The following PARVA variants were observed in gnomAD, a reference collection of about 807,000 sequenced individuals.
PARVA encodes the protein parvin alpha.
In PARVA, 25 loss-of-function variants were observed where a neutral mutation model predicts 52.6. That is an observed-to-expected ratio of 0.48 (90% CI 0.35 to 0.66). PARVA has a LOEUF of 0.66. Among genes scored for constraint, PARVA ranks in the 30% least tolerant of loss-of-function variants. The probability of loss-of-function intolerance (pLI) is 0.01; values close to 1 mark genes in which losing one functional copy is unlikely to be tolerated. For missense variants in PARVA, 373 were observed against 450.9 expected (o/e 0.83, Z 1.56); for synonymous variants, 185 against 179.1 (o/e 1.03, Z -0.26).
At chr11:12,377,296 T>C, upstream of PARVA, 1 of 631,048 alleles carries the variant, frequency 1.6e-6, no homozygotes, top group Non-Finnish European at 2.4e-6. Flanking sequence ...GGCTGTGTGG[T>C]GGGGACAGAG....
chr11:12,480,184 G>T (rs4539311), intron 4 of PARVA: 1 of 146,828 alleles, frequency 6.8e-6, no homozygotes, highest in African/African-American at 2.6e-5. Flanking sequence ...AGATCACGCC[G>T]TTGCACTCTA....
chr11:12,520,906 CA>C (rs1444924105), intron 12 of PARVA, among the ~76,000 whole-genome samples: 9 of 152,152 alleles, frequency 5.9e-5, no homozygotes, highest in Non-Finnish European at 1.2e-4. Flanking sequence ...CACTGCACTC[CA>C]GCCTGGGCAA....
chr11:12,423,299 C>T (rs956649588), intron 1 of PARVA, among the ~76,000 whole-genome samples: 21 of 150,330 alleles, frequency 1.4e-4, no homozygotes, highest in African/African-American at 4.4e-4. Flanking sequence ...CCACCCCAGT[C>T]TCCTGAGTAG....
chr11:12,392,787 T>A (rs763395926), intron 1 of PARVA, among the ~76,000 whole-genome samples: 2 of 152,002 alleles, frequency 1.3e-5, no homozygotes, highest in Admixed American at 6.5e-5. Context: ...TCAGTGCACA[T>A]CTCCTCAGTC....
At chr11:12,495,684 A>C (rs912867400) in intron 4 of PARVA, among the ~76,000 whole-genome samples, 3 of 152,154 alleles carry the variant, frequency 2.0e-5, no homozygotes, top group Admixed American at 2.0e-4. Flanking sequence ...TTTAAAACAC[A>C]CCATTATATA....
intron 1 of PARVA, among the ~76,000 whole-genome samples, chr11:12,422,373 TA>T (rs1482091869): frequency 6.6e-6 from 1 of 152,208 alleles, no homozygotes; most frequent in African/African-American, 2.4e-5. Context: ...GAATTAAGGA[TA>T]AAAAATATGG....
intron 1 of PARVA, among the ~76,000 whole-genome samples, chr11:12,404,330 T>G (rs572613429): frequency 3.3e-5 from 5 of 152,264 alleles, no homozygotes; most frequent in African/African-American, 7.2e-5. Flanking sequence ...GTCCATTTGT[T>G]GCAGGGATGC....
intron 12 of PARVA, among the ~76,000 whole-genome samples, chr11:12,523,619 G>C (rs115362911): frequency 2.6e-5 from 4 of 152,010 alleles, no homozygotes; most frequent in East Asian, 1.9e-4. Context: ...TAATACCTCT[G>C]GGGGGGAGGA....
chr11:12,439,312 A>C (rs962285512), intron 1 of PARVA, among the ~76,000 whole-genome samples: 1 of 152,200 alleles, frequency 6.6e-6, no homozygotes, highest in Non-Finnish European at 1.5e-5. Flanking sequence ...AGAGATGAAA[A>C]GAAGGCCCAG....
intron 1 of PARVA, among the ~76,000 whole-genome samples, chr11:12,436,262 T>C (rs1940386812): frequency 6.6e-6 from 1 of 152,230 alleles, no homozygotes; most frequent in Admixed American, 6.5e-5. Flanking sequence ...CTTAGACTAA[T>C]TATAAACCTG....
At chr11:12,402,463 A>G (rs780595037) in intron 1 of PARVA, among the ~76,000 whole-genome samples, 1 of 152,246 alleles carries the variant, frequency 6.6e-6, no homozygotes, top group Non-Finnish European at 1.5e-5. Flanking sequence ...GGTACTATGC[A>G]GTTAATTTCC....
chr11:12,393,381 G>A (rs1297423939), intron 1 of PARVA, among the ~76,000 whole-genome samples: 2 of 152,188 alleles, frequency 1.3e-5, no homozygotes, highest in Admixed American at 6.5e-5. Flanking sequence ...CAAGACTAGT[G>A]TACTAGTTAA....
In PARVA at chr11:12,527,254, AAGGGAGGAATAG is replaced by A. The variant is rs559143615; in HGVS notation, c.1043-587_1043-576del. Among the ~76,000 whole-genome samples the A allele has an allele frequency of 2.3e-3, 343 of 151,216 alleles. 1 individual carries two copies. Among genetic ancestry groups the A allele is most frequent in the African/African-American group, 8.1e-3 (336 of 41,270 alleles). On this transcript the variant is annotated intron_variant, in intron 12 of 12. Transcript: ENST00000334956. ...ATGGGAAGATCCGGGGGCACGGAAGAAGGGAGGAATAGAGGGAGGGAAGGAGGATGGGAGGAT... is the reference window on the plus strand; with the variant it reads ...ATGGGAAGATCCGGGGGCACGGAAGAAGGGAGGGAAGGAGGATGGGAGGAT...
intron 1 of PARVA, among the ~76,000 whole-genome samples, chr11:12,436,083 A>C (rs1940383505): frequency 6.6e-6 from 1 of 152,078 alleles, no homozygotes; most frequent in South Asian, 2.1e-4. Context: ...CAGTCTCCCA[A>C]AGTGCTGGGA....
intron 1 of PARVA, among the ~76,000 whole-genome samples, chr11:12,402,504 A>G (rs7952552): frequency 0.09 from 13,657 of 152,276 alleles, 1,789 homozygotes; most frequent in African/African-American, 0.29. Flanking sequence ...GAAGTTCTAT[A>G]GGATTGCTAT....
chr11:12,526,120 T>C (rs550794024), intron 12 of PARVA, among the ~76,000 whole-genome samples: 1 of 152,218 alleles, frequency 6.6e-6, no homozygotes, highest in Non-Finnish European at 1.5e-5. Flanking sequence ...AGGTACAATG[T>C]GCAGTACTTG....
At chr11:12,491,460 C>G (rs1032480215) in intron 4 of PARVA, among the ~76,000 whole-genome samples, 2 of 152,114 alleles carry the variant, frequency 1.3e-5, no homozygotes, top group Admixed American at 6.5e-5. Flanking sequence ...AAAGCCACCA[C>G]GCCCAGCTGA....
intron 3 of PARVA, among the ~76,000 whole-genome samples, chr11:12,476,392 T>C (rs548116277): frequency 6.6e-6 from 1 of 151,898 alleles, no homozygotes; most frequent in East Asian, 1.9e-4. Flanking sequence ...TACTTTCAGA[T>C]GAAGGTTTGA....
intron 1 of PARVA, among the ~76,000 whole-genome samples, chr11:12,410,365 T>TC (rs756349717): frequency 3.3e-5 from 5 of 152,188 alleles, no homozygotes; most frequent in East Asian, 1.9e-4. Flanking sequence ...GGTCTGCCTT[T>TC]CCCCCCGGCA....
Sources: allele counts gnomAD v4.1 joint callset (sites outside exome capture counted in the v4.1 genomes callset), GRCh38; gene constraint gnomAD v4.1.1; transcripts MANE v1.5; gene names NCBI Gene and HGNC (gene_info 2026-07-23, HGNC 2026-07-21).